CYP4B1: variants seen among roughly 807,000 people sequenced by gnomAD.
The protein encoded by CYP4B1 is cytochrome P450 4B1.
Under a neutral mutation model 54.0 loss-of-function variants are expected in CYP4B1, and 45 were observed. The observed-to-expected ratio is 0.83, with a 90% CI of 0.66 to 1.07. The LOEUF is 1.07. Ranked by LOEUF, CYP4B1 falls within the 50% of genes least tolerant of loss-of-function variation. The pLI, the probability that CYP4B1 is intolerant of heterozygous loss-of-function variation, is 0.00. For synonymous variants in CYP4B1, 248 were observed against 247.5 expected (o/e 1.00, Z -0.02); for missense variants, 656 against 655.4 (o/e 1.00, Z -0.01).
chr1:46,812,392 C>A (rs1679142221), intron 3 of CYP4B1, 104 bp from the exon 4 acceptor site: 3 of 1,403,664 alleles, frequency 2.1e-6, no homozygotes, highest in Admixed American at 2.0e-5. Context: ...GTGGCCCACC[C>A]TTGGAGGGTT....
intron 7 of CYP4B1, chr1:46,814,833 A>T: frequency 1.8e-6 from 1 of 544,892 alleles, no homozygotes; most frequent in Non-Finnish European, 3.3e-6. Context: ...CAGAACAGTC[A>T]GGGCTGGACA....
Position 46,814,048 on chromosome 1 carries a change from G to T in CYP4B1, c.760G>T (p.Ala254Ser), listed in dbSNP as rs1456660113. 6.8e-6 allele frequency: 11 copies of T among 1,614,062 alleles called. No homozygotes were observed. The highest frequency in any genetic ancestry group is 1.3e-5 in the African/African-American group (1 of 75,052). Residue 254 changes from alanine to serine, a missense_variant, in exon 6 of 12, where the codon GCC becomes TCC. Ala to Ser is a moderately conservative substitution (Grantham distance 99). Coordinates refer to ENST00000371923, the MANE Select transcript of CYP4B1 (RefSeq NM_001099772.2). Reference sequence around the variant, plus strand: ...CCGCTTCCTGCGGGCCTGCCAGGTGGCCCATGACCATACAGGTGGGCCTTT... The same window carrying T: ...CCGCTTCCTGCGGGCCTGCCAGGTGTCCCATGACCATACAGGTGGGCCTTT... Reference protein sequence around the residue: ...GRRFLRACQVAHDHTDQVIRE... With the variant: ...GRRFLRACQVSHDHTDQVIRE...
intron 9 of CYP4B1, 52 bp downstream of exon 9, chr1:46,817,233 G>A (rs879222600): frequency 6.2e-7 from 1 of 1,609,044 alleles, no homozygotes; most frequent in Admixed American, 1.7e-5. Context: ...TGCTCCTCTG[G>A]CACCCTCTGT....
At chr1:46,810,685 G>C in intron 1 of CYP4B1, 123 bp from the exon 2 acceptor site, 1 of 939,388 alleles carries the variant, frequency 1.1e-6, no homozygotes, top group East Asian at 2.4e-5. Context: ...AGAGGGTGCA[G>C]GAGAGGTAAG....
chr1:46,803,420 C>T (rs1678736669), intron 1 of CYP4B1, among the ~76,000 whole-genome samples: 1 of 152,074 alleles, frequency 6.6e-6, no homozygotes, highest in Non-Finnish European at 1.5e-5. Flanking sequence ...GAGGGCTCCT[C>T]CATGTAGCAG....
rs75581734 is a variant in CYP4B1 at position 46,813,839 on chromosome 1, G to A, written c.621-70G>A. ...CTCTGTGGTTGGGGCTAGATTCCTG[G>A]AATGGAGTTTCTCTGGCTCTGCTCC... On this transcript the variant is annotated intron_variant, in intron 5 of 11. Transcript: ENST00000371923. 4.4e-4 allele frequency: 694 copies of A among 1,570,804 alleles called. 5 individuals carry two copies. The African/African-American group carries it at 8.7e-3, about 20-fold the overall frequency.
chr1:46,805,199 G>A (rs1053993635), intron 1 of CYP4B1, among the ~76,000 whole-genome samples: 2 of 152,238 alleles, frequency 1.3e-5, no homozygotes, highest in East Asian at 1.9e-4. Context: ...CATTTCTTGG[G>A]TCCCTGCCTT....
intron 1 of CYP4B1, among the ~76,000 whole-genome samples, chr1:46,805,866 G>A (rs4646481): frequency 0.13 from 19,252 of 152,160 alleles, 1,457 homozygotes; most frequent in East Asian, 0.26. Flanking sequence ...TGGGGAGAGG[G>A]CCCATAGTAG....
intron 9 of CYP4B1, 139 bp downstream of exon 9, chr1:46,817,320 C>A: frequency 1.1e-6 from 1 of 940,106 alleles, no homozygotes; most frequent in Non-Finnish European, 1.6e-6. Flanking sequence ...TAAATCCCAG[C>A]CCCACAACAT....
intron 1 of CYP4B1, among the ~76,000 whole-genome samples, chr1:46,806,301 C>T (rs1022362249): frequency 1.1e-4 from 16 of 152,122 alleles, no homozygotes; most frequent in South Asian, 2.1e-4. Flanking sequence ...TTTTGTTTTT[C>T]GAAACTCTTA....
intron 8 of CYP4B1, among the ~76,000 whole-genome samples, chr1:46,815,744 C>G (rs1051312768): frequency 1.3e-5 from 2 of 152,218 alleles, no homozygotes; most frequent in African/African-American, 4.8e-5. Flanking sequence ...AACTTCATCA[C>G]TTAAAAACTT....
At chr1:46,800,269 C>T (rs1569847746) in intron 1 of CYP4B1, among the ~76,000 whole-genome samples, 1 of 116,804 alleles carries the variant, frequency 8.6e-6, no homozygotes, top group Non-Finnish European at 1.8e-5. Flanking sequence ...TTCCTTCCTT[C>T]CTTCCTTCCT....
At chr1:46,807,833 G>C (rs1209690769) in intron 1 of CYP4B1, among the ~76,000 whole-genome samples, 1 of 152,236 alleles carries the variant, frequency 6.6e-6, no homozygotes, top group Non-Finnish European at 1.5e-5. Context: ...TGAGCCCTTG[G>C]AGATAGTGGC....
Position 46,818,974 on chromosome 1 carries a change from CT to C in CYP4B1, c.*161del. The C allele has an allele frequency of 1.7e-6, 1 of 600,160 alleles. No individual in the cohort carries two copies. Among genetic ancestry groups the C allele is most frequent in the Non-Finnish European group, 2.9e-6 (1 of 342,780 alleles). The allele number at this position is 600,160 out of a possible 1,614,324, so 37.2% of individuals were successfully genotyped here. On this transcript the variant is annotated 3_prime_UTR_variant, in exon 12 of 12. Coordinates refer to ENST00000371923, the MANE Select transcript of CYP4B1 (RefSeq NM_001099772.2). ...CATAGACGACTCCTAGAGGACAGTG[CT>C]ATGTAAAAATGTGTGTCTATAAATG...
rs1222704140 is a variant in CYP4B1 at position 46,818,861 on chromosome 1, G to A, written c.*47G>A. 1.9e-6 allele frequency: 3 copies of A among 1,590,662 alleles called. No individual in the cohort carries two copies. Among genetic ancestry groups the A allele is most frequent in the Non-Finnish European group, 2.6e-6 (3 of 1,162,898 alleles). On this transcript the variant is annotated 3_prime_UTR_variant, in exon 12 of 12. Coordinates refer to ENST00000371923, the MANE Select transcript of CYP4B1 (RefSeq NM_001099772.2). ...AGATGGCTCAGGCTGTGACCTCCCT[G>A]GGCACCACCCTCCCCAGGCTGGGTG...
intron 1 of CYP4B1, among the ~76,000 whole-genome samples, chr1:46,806,217 C>T (rs977995802): frequency 9.9e-5 from 15 of 152,194 alleles, no homozygotes; most frequent in African/African-American, 2.9e-4. Flanking sequence ...AATCCGAGAC[C>T]GACATGACCT....
chr1:46,819,099 C>T lies in CYP4B1; in HGVS notation c.*285C>T, dbSNP rs1233479541. On this transcript the variant is annotated 3_prime_UTR_variant, in exon 12 of 12. Transcript: ENST00000371923. ...AACTTCATTTATCTCCTATAATTGG[C>T]AAACTTAAAAATGCAGCAGAAACTT... 1 of 304,134 alleles carries T rather than the reference C, an allele frequency of 3.3e-6. No homozygotes were observed. Among genetic ancestry groups the T allele is most frequent in the Non-Finnish European group, 6.1e-6 (1 of 165,072 alleles). 18.8% of individuals were successfully genotyped at this position (304,134 alleles called of 1,614,324 possible).
Position 46,814,208 on chromosome 1 carries a change from G to C in CYP4B1, c.776-1G>C. 2.5e-6 allele frequency: 4 copies of C among 1,614,062 alleles called. No homozygotes were observed. The highest frequency in any genetic ancestry group is 2.2e-5 in the East Asian group (1 of 44,854). ...AGTGACACTCTGTGCTTTTGGTTCA[G>C]ACCAGGTCATCAGGGAGCGGAAGGC... On this transcript the variant is annotated splice_acceptor_variant, in intron 6 of 11. Coordinates refer to ENST00000371923, the MANE Select transcript of CYP4B1 (RefSeq NM_001099772.2). LOFTEE classifies it high-confidence loss of function.
rs1445981437 is a variant in CYP4B1 at position 46,799,256 on chromosome 1, C to T, written c.175C>T (p.Leu59Phe). 3.1e-6 allele frequency: 5 copies of T among 1,588,936 alleles called. No individual in the cohort carries two copies. The highest frequency in any genetic ancestry group is 4.3e-6 in the Non-Finnish European group (5 of 1,167,196). Residue 59 changes from leucine to phenylalanine, a missense_variant, in exon 1 of 12, where the codon CTC becomes TTC. Transcript: ENST00000371923. ...PPTHWLFGHA[L>F]EIQETGSLDK... ...CACCCACTGGCTTTTTGGACATGCC[C>T]TCGAGGTATGTGGAGGTCGGGAGGG...
Sources: allele counts gnomAD v4.1 joint callset (sites outside exome capture counted in the v4.1 genomes callset), GRCh38; gene constraint gnomAD v4.1.1; transcripts MANE v1.5; gene names NCBI Gene and HGNC (gene_info 2026-07-23, HGNC 2026-07-21).